PPARGC1A: variants seen among roughly 807,000 people sequenced by gnomAD.
PPARGC1A encodes the protein PPARG coactivator 1 alpha, also known as peroxisome proliferator-activated receptor gamma coactivator 1-alpha.
In PPARGC1A, 25 loss-of-function variants were observed where a neutral mutation model predicts 88.7. The observed-to-expected ratio is 0.28, with a 90% CI of 0.21 to 0.39. The LOEUF is 0.39. PPARGC1A is among the 10% of genes least tolerant of loss of function. The pLI, the probability that PPARGC1A is intolerant of heterozygous loss-of-function variation, is 1.00. For synonymous variants in PPARGC1A, 363 were observed against 355.6 expected, an observed-to-expected ratio of 1.02 and a Z score of -0.24; for missense variants, 880 against 968.7, an observed-to-expected ratio of 0.91 and a Z score of 1.22.
the PPARGC1A span, among the ~76,000 whole-genome samples, chr4:24,417,737 A>C: frequency 4.6e-5 from 7 of 152,244 alleles, no homozygotes; most frequent in African/African-American, 7.2e-5. Context: ...TGTATACATT[A>C]TATTGAGTTC....
rs138015168 is a variant in PPARGC1A, at chr4:23,850,079, A to G, written c.235-18328T>C. Among the ~76,000 whole-genome samples, 511 of 152,306 alleles carry G rather than the reference A, an allele frequency of 3.4e-3. 4 individuals are homozygous for G. Among genetic ancestry groups the G allele is most frequent in the Non-Finnish European group, 6.0e-3 (405 of 68,032 alleles). On this transcript the variant is annotated intron_variant, in intron 2 of 12. Transcript: ENST00000264867. ...AATTTTATTTTCGCTTTTTGATGGA[A>G]ATGAAATACTCTTTTCATATCACAC...
the PPARGC1A span, among the ~76,000 whole-genome samples, chr4:24,128,542 G>GTGTGTGTGTGTC: frequency 5.5e-4 from 61 of 111,200 alleles, no homozygotes; most frequent in African/African-American, 2.2e-3. Context: ...GTGTGTGTGT[G>GTGTGTGTGTGTC]TGTGTGTGTG....
At chr4:24,146,353 A>G in the PPARGC1A span, among the ~76,000 whole-genome samples, 1 of 152,256 alleles carries the variant, frequency 6.6e-6, no homozygotes, top group African/African-American at 2.4e-5. Flanking sequence ...CAGCACTGGC[A>G]TGCACATTTG....
chr4:24,175,462 A>G, the PPARGC1A span, among the ~76,000 whole-genome samples: 1 of 138,642 alleles, frequency 7.2e-6, no homozygotes, highest in African/African-American at 2.7e-5. Context: ...GCAACCTCTG[A>G]CTTCCAGGTC....
chr4:24,436,799 G>A, the PPARGC1A span, among the ~76,000 whole-genome samples: 488 of 138,514 alleles, frequency 3.5e-3, 4 homozygotes, highest in African/African-American at 0.013. Flanking sequence ...AGCTGACATC[G>A]GTTGGCCACC....
At chr4:23,958,650 T>G in the PPARGC1A span, among the ~76,000 whole-genome samples, 2 of 152,098 alleles carry the variant, frequency 1.3e-5, no homozygotes, top group African/African-American at 4.8e-5. Flanking sequence ...TGAGCATAAC[T>G]CATTGTGCTT....
the PPARGC1A span, among the ~76,000 whole-genome samples, chr4:24,453,243 A>T: frequency 6.6e-6 from 1 of 152,184 alleles, no homozygotes; most frequent in Admixed American, 6.5e-5. Context: ...CAACCTTCGG[A>T]ACTGTGAGGA....
the PPARGC1A span, among the ~76,000 whole-genome samples, chr4:24,121,270 T>C: frequency 6.6e-6 from 1 of 152,130 alleles, no homozygotes; most frequent in Non-Finnish European, 1.5e-5. Context: ...CTCCCAGCTA[T>C]TGGAATGAAG....
chr4:23,908,499 A>G (rs1014608422), upstream of PPARGC1A, among the ~76,000 whole-genome samples: 33 of 131,806 alleles, frequency 2.5e-4, no homozygotes, highest in African/African-American at 9.4e-4. Context: ...CACCACTCAT[A>G]AGGAGAATAG....
At chr4:24,145,078 A>AGAGT in the PPARGC1A span, among the ~76,000 whole-genome samples, 5 of 144,318 alleles carry the variant, frequency 3.5e-5, no homozygotes, top group East Asian at 1.0e-3. Context: ...GTGTTGAATG[A>AGAGT]GTGTGTGTGT....
chr4:23,823,952 CT>C (rs1260531283), intron 7 of PPARGC1A, among the ~76,000 whole-genome samples: 1 of 152,126 alleles, frequency 6.6e-6, no homozygotes, highest in African/African-American at 2.4e-5. Context: ...CAAGGAATTT[CT>C]TGTTTAGACA....
chr4:23,890,509 A>G (rs1175951050), upstream of PPARGC1A, among the ~76,000 whole-genome samples: 1 of 151,974 alleles, frequency 6.6e-6, no homozygotes, highest in East Asian at 1.9e-4. Context: ...AGTGGACTCA[A>G]GCTCAGTTTG....
chr4:24,308,239 C>A, the PPARGC1A span, among the ~76,000 whole-genome samples: 447 of 128,134 alleles, frequency 3.5e-3, 2 homozygotes, highest in Non-Finnish European at 5.1e-3. Flanking sequence ...TTGCAGTGAG[C>A]AGAGATCACA....
chr4:24,306,121 A>G, the PPARGC1A span, among the ~76,000 whole-genome samples: 2 of 152,218 alleles, frequency 1.3e-5, no homozygotes, highest in African/African-American at 2.4e-5. Flanking sequence ...TTCCGGATGC[A>G]CAATCCACAG....
chr4:23,821,750 C>A (rs1359533783), intron 7 of PPARGC1A, among the ~76,000 whole-genome samples: 2 of 152,002 alleles, frequency 1.3e-5, no homozygotes, highest in East Asian at 3.9e-4. Flanking sequence ...TTGTAACCAT[C>A]TTCATATCAT....
chr4:24,316,707 T>G, the PPARGC1A span, among the ~76,000 whole-genome samples: 6 of 152,214 alleles, frequency 3.9e-5, no homozygotes, highest in Admixed American at 6.5e-5. Context: ...AGCTGCAGAA[T>G]GGGAAGAATA....
chr4:23,997,346 T>C, the PPARGC1A span, among the ~76,000 whole-genome samples: 2 of 151,516 alleles, frequency 1.3e-5, no homozygotes, highest in African/African-American at 4.9e-5. Context: ...TAGGTAAAAA[T>C]CCTTTTTTTT....
chr4:23,890,170 C>T (rs1717612570), upstream of PPARGC1A: 2 of 1,020,774 alleles, frequency 2.0e-6, no homozygotes, highest in Non-Finnish European at 2.5e-6. Flanking sequence ...TGCTCTAACT[C>T]GTGACGTCAC....
At chr4:24,276,653 C>A in the PPARGC1A span, among the ~76,000 whole-genome samples, 2 of 152,204 alleles carry the variant, frequency 1.3e-5, no homozygotes, top group African/African-American at 4.8e-5. Context: ...CCATAATTAG[C>A]AATTCATTCT....
Sources: gnomAD v4.1 joint callset for allele counts (sites outside exome capture counted in the v4.1 genomes callset) on GRCh38, gnomAD v4.1.1 for gene constraint, MANE v1.5 for transcripts, NCBI Gene and HGNC (gene_info 2026-07-23, HGNC 2026-07-21) for gene names.